Variants in COASY observed in about 807,000 individuals in gnomAD.
COASY encodes the protein Coenzyme A synthase, also known as bifunctional coenzyme A synthase.
A neutral mutation model predicts 49.4 loss-of-function variants in COASY; 31 were observed. The observed-to-expected ratio is 0.63, with a 90% confidence interval of 0.47 to 0.85. COASY has a LOEUF of 0.85. Ranked by LOEUF, COASY falls within the 40% of genes least tolerant of loss-of-function variation. The pLI is 0.00. For synonymous variants in COASY, 285 were observed against 310.9 expected, an observed-to-expected ratio of 0.92 and a Z score of 0.88; for missense variants, 730 against 734.1, an observed-to-expected ratio of 0.99 and a Z score of 0.06.
In COASY at chr17:42,566,018, G is replaced by T; in HGVS notation, c.*50G>T. 3.8e-6 allele frequency: 6 copies of T among 1,592,528 alleles called. No homozygotes were observed. Among genetic ancestry groups the T allele is most frequent in the Non-Finnish European group, 5.2e-6 (6 of 1,161,154 alleles). Reference sequence around the variant, plus strand: ...GCTCCTGGAGCTGACAAGCGACCCCGTGGTGAGGAGAAATGGGGGCCTTGA... The same window carrying T: ...GCTCCTGGAGCTGACAAGCGACCCCTTGGTGAGGAGAAATGGGGGCCTTGA... On this transcript the variant is annotated 3_prime_UTR_variant, in exon 9 of 9. Coordinates refer to ENST00000393818, the MANE Select transcript of COASY (RefSeq NM_025233.7).
At chr17:42,565,443 G>A in intron 6 of COASY, 28 bp from the exon 7 acceptor site, 1 of 1,613,530 alleles carries the variant, frequency 6.2e-7, no homozygotes, top group South Asian at 1.1e-5. Context: ...CGTCGGCACT[G>A]CTGGCGGTGA....
rs781310247 is a variant in COASY at position 42,563,948 on chromosome 17, G to A, written c.701-13G>A. ...TAAAAAGATCTCACTGTTCTTCTGGGCTCCTTCCCCAGGCAAGTTGCTCCC... is the reference window on the plus strand; with the variant it reads ...TAAAAAGATCTCACTGTTCTTCTGGACTCCTTCCCCAGGCAAGTTGCTCCC... On this transcript the variant is annotated splice_polypyrimidine_tract_variant and intron_variant, in intron 1 of 8. Coordinates refer to ENST00000393818, the MANE Select transcript of COASY (RefSeq NM_025233.7). 3 of 1,589,066 alleles carry A rather than the reference G, an allele frequency of 1.9e-6. No individual in the cohort carries two copies. The highest frequency in any genetic ancestry group is 2.6e-6 in the Non-Finnish European group (3 of 1,164,180).
In COASY at chr17:42,565,966, T is replaced by C. The variant is rs781511200; in HGVS notation, c.1693T>C (p.Ter565ArgextTer25). ...TCCCAAGACTCATCAGGCCCTCGACTGAAAAGTTCTCAGTGGGGCCAGACT... is the reference window on the plus strand; with the variant it reads ...TCCCAAGACTCATCAGGCCCTCGACCGAAAAGTTCTCAGTGGGGCCAGACT... ...RIPKTHQALD[*>R] Residue 565 changes from the stop codon to arginine, a stop_lost, in exon 9 of 9, where the codon TGA becomes CGA. Coordinates refer to ENST00000393818, the MANE Select transcript of COASY (RefSeq NM_025233.7). The C allele has an allele frequency of 1.9e-5, 30 of 1,613,648 alleles. No homozygotes were observed. The highest frequency in any genetic ancestry group is 2.5e-5 in the Non-Finnish European group (30 of 1,180,018).
In COASY at chr17:42,562,882, T is replaced by A. The variant is rs1215169597; in HGVS notation, c.260T>A (p.Leu87Gln). The A allele has an allele frequency of 1.9e-6, 3 of 1,612,608 alleles. No individual in the cohort carries two copies. The East Asian group carries it at 6.7e-5, about 36-fold the overall frequency. The change falls in exon 1 of 9, where the codon CTG becomes CAG. Residue 87 changes from leucine (L) to glutamine (Q), a missense_variant. Transcript: ENST00000393818. ...VHRHLDVRIL[L>Q]TNIRTKSTFL... Reference sequence around the variant, plus strand: ...AGGCACTTGGACGTCAGAATCCTACTGACCAATATCCGAACCAAGAGCACC... The same window carrying A: ...AGGCACTTGGACGTCAGAATCCTACAGACCAATATCCGAACCAAGAGCACC...
Position 42,563,066 on chromosome 17 carries a change from C to T in COASY, c.444C>T (p.Ala148=), listed in dbSNP as rs142297801. ...GTTACAGCTGTTGTCCGCGACTGGC[C>T]TCGGTGCTGCTATACTCCGATTATG... ...TSCYSCCPRL[A]SVLLYSDYGI... Residue 148 remains alanine, a synonymous_variant, in exon 1 of 9, where the codon GCC becomes GCT. Coordinates refer to ENST00000393818, the MANE Select transcript of COASY (RefSeq NM_025233.7). 1.2e-6 allele frequency: 2 copies of T among 1,614,042 alleles called. No individual in the cohort carries two copies. Among genetic ancestry groups the T allele is most frequent in the Admixed American group, 1.7e-5 (1 of 60,002 alleles).
intron 5 of COASY, 69 bp from the exon 6 acceptor site, chr17:42,565,158 A>C (rs1248507266): frequency 1.3e-6 from 2 of 1,595,542 alleles, no homozygotes; most frequent in African/African-American, 1.3e-5. Context: ...TCTGTTCCCA[A>C]CACCACCTTG....
chr17:42,563,906 C>T lies in COASY; in HGVS notation c.701-55C>T, dbSNP rs2092989298. 6 of 1,449,006 alleles carry T rather than the reference C, an allele frequency of 4.1e-6. No individual in the cohort carries two copies. The Admixed American group carries it at 5.7e-5, about 14-fold the overall frequency. 89.8% of individuals were successfully genotyped at this position (1,449,006 alleles called of 1,614,324 possible). A position where few individuals can be genotyped will look rare whatever the true frequency, so the allele number is the denominator to read the frequency against. On this transcript the variant is annotated intron_variant, in intron 1 of 8. Transcript: ENST00000393818. ...AGGGACACTTTTTCCCAAACTGGCC[C>T]ATACTCTCCTCCCCAATAAAAAGAT...
chr17:42,565,247 G>T lies in COASY; in HGVS notation c.1323G>T (p.Thr441=). The change falls in exon 6 of 9, where the codon ACG becomes ACT. Residue 441 remains threonine, a synonymous_variant. Transcript: ENST00000393818. ...FGNKKQLKIL[T]DIMWPIIAKL... is the part of the protein sequence containing the mutation. ...CCCAGAAGCAGCTGAAGATACTCAC[G>T]GACATTATGTGGCCAATTATCGCAA... is the stretch of plus-strand genomic sequence containing the variant. 1 of 1,614,116 alleles carries T rather than the reference G, an allele frequency of 6.2e-7. No individual in the cohort carries two copies. Among genetic ancestry groups the T allele is most frequent in the Non-Finnish European group, 8.5e-7 (1 of 1,180,022 alleles).
In COASY at chr17:42,565,281, C is replaced by G. The variant is rs200491699; in HGVS notation, c.1357C>G (p.Arg453Gly). Residue 453 changes from arginine (R) to glycine (G), a missense_variant, in exon 6 of 9, where the codon CGA (arginine) becomes GGA (glycine). Arg to Gly is a moderately radical substitution (Grantham distance 125). Coordinates refer to ENST00000393818, the MANE Select transcript of COASY (RefSeq NM_025233.7). ...IMWPIIAKLAREEMDRAVAEG... is the reference protein window; with the variant it reads ...IMWPIIAKLAGEEMDRAVAEG... Reference sequence around the variant, plus strand: ...GTGGCCAATTATCGCAAAGCTGGCCCGAGAGGAGATGGATCGGGCTGTGGC... The same window carrying G: ...GTGGCCAATTATCGCAAAGCTGGCCGGAGAGGAGATGGATCGGGCTGTGGC... 69 of 1,614,086 alleles carry G rather than the reference C, an allele frequency of 4.3e-5. No homozygotes were observed. The highest frequency in any genetic ancestry group is 5.5e-5 in the Non-Finnish European group (65 of 1,180,006).
In COASY at chr17:42,566,048, CA is replaced by C. The variant is rs2093003327; in HGVS notation, c.*81del. 1 of 1,461,910 alleles carries C rather than the reference CA, an allele frequency of 6.8e-7. No individual in the cohort carries two copies. Among genetic ancestry groups the C allele is most frequent in the Admixed American group, 1.7e-5 (1 of 59,572 alleles). 90.6% of individuals were successfully genotyped at this position (1,461,910 alleles called of 1,614,324 possible). Reference sequence around the variant, plus strand: ...GAGGAGAAATGGGGGCCTTGATGCTCACCCTGGTTCAGGCCCAGAGGTCCAA... The same window carrying C: ...GAGGAGAAATGGGGGCCTTGATGCTCCCCTGGTTCAGGCCCAGAGGTCCAA... On this transcript the variant is annotated 3_prime_UTR_variant, in exon 9 of 9. Transcript: ENST00000393818.
chr17:42,562,608 G>A lies in COASY; in HGVS notation c.-15G>A. On this transcript the variant is annotated 5_prime_UTR_variant, in exon 1 of 9. Coordinates refer to ENST00000393818, the MANE Select transcript of COASY (RefSeq NM_025233.7). ...CGTCGCCTCGTCTCCCTGACTGTCC[G>A]CAGGCCTGGGCAGCATGGCCGTATT... The A allele has an allele frequency of 6.5e-7, 1 of 1,530,748 alleles. No individual in the cohort carries two copies. Among genetic ancestry groups the A allele is most frequent in the South Asian group, 1.3e-5 (1 of 79,656 alleles). The allele number at this position is 1,530,748 out of a possible 1,614,324, so 94.8% of individuals were successfully genotyped here. A position where few individuals can be genotyped will look rare whatever the true frequency, so the allele number is the denominator to read the frequency against.
In COASY at chr17:42,562,349, T is replaced by G; in HGVS notation, c.-274T>G. 2.0e-6 allele frequency: 3 copies of G among 1,488,524 alleles called. No homozygotes were observed. Among genetic ancestry groups the G allele is most frequent in the Non-Finnish European group, 2.8e-6 (3 of 1,067,968 alleles). 92.2% of individuals were successfully genotyped at this position (1,488,524 alleles called of 1,614,324 possible). A position where few individuals can be genotyped will look rare whatever the true frequency, so the allele number is the denominator to read the frequency against. On this transcript the variant is annotated 5_prime_UTR_variant, in exon 1 of 9. Coordinates refer to ENST00000393818, the MANE Select transcript of COASY (RefSeq NM_025233.7). ...TCCCCAGCCCTGTGACAAGGGTTCC[T>G]GTCCAGTTTCCCCCTCCCAGGATTT...
In COASY at chr17:42,564,081, G is replaced by A. The variant is rs779390522; in HGVS notation, c.821G>A (p.Gly274Glu). Residue 274 changes from glycine to glutamate, a missense_variant, in exon 2 of 9, where the codon GGG becomes GAG. Coordinates refer to ENST00000393818, the MANE Select transcript of COASY (RefSeq NM_025233.7). ...FDVIPLLDPY[G>E]PAGSDPSLEF... ...GTCATCCCCCTGCTGGACCCCTATG[G>A]GCCCGCTGGCTCTGACCCCTCCCTG... is the stretch of plus-strand genomic sequence containing the variant. 1.2e-5 allele frequency: 19 copies of A among 1,613,922 alleles called. No homozygotes were observed. In the South Asian group the frequency reaches 2.1e-4, roughly 18 times the overall value.
chr17:42,562,872 A>T lies in COASY; in HGVS notation c.250A>T (p.Arg84Ter). ...GADVHRHLDV[R>*]ILLTNIRTKS... ...CGACGTCCACAGGCACTTGGACGTC[A>T]GAATCCTACTGACCAATATCCGAAC... is the stretch of plus-strand genomic sequence containing the variant. Residue 84 changes from arginine to a stop codon, truncating the protein, a stop_gained, in exon 1 of 9, where the codon AGA becomes TGA. Transcript: ENST00000393818. LOFTEE classifies it high-confidence loss of function. 6.2e-7 allele frequency: 1 copy of T among 1,613,226 alleles called. No homozygotes were observed. The highest frequency in any genetic ancestry group is 2.2e-5 in the East Asian group (1 of 44,830).
Position 42,564,512 on chromosome 17 carries a change from GA to G in COASY, c.983del (p.Glu328GlyfsTer33), listed in dbSNP as rs1440576085. On this transcript the variant is annotated frameshift_variant, in exon 3 of 9. Transcript: ENST00000393818. LOFTEE classifies it high-confidence loss of function. ...LKDLRHTENEEDKVSSSSFRQ... is the reference protein window; with the variant it reads ...LKDLRHTENEXDKVSSSSFRQ... ...GGACCTCAGACATACAGAGAATGAA[GA>G]GGACAAAGTCAGCTCCTCCAGCTTC... 5.0e-6 allele frequency: 8 copies of G among 1,613,376 alleles called. No individual in the cohort carries two copies. Among genetic ancestry groups the G allele is most frequent in the Non-Finnish European group, 6.8e-6 (8 of 1,179,696 alleles).
rs1210659397 is a variant in COASY, at chr17:42,563,112, G to A, written c.490G>A (p.Glu164Lys). ...TTATGGGATAGGAGAAGTGCCCGTG[G>A]AGCCCCTGGATGTCCCCTTACCCTC... ...SDYGIGEVPV[E>K]PLDVPLPSTI... is the part of the protein sequence containing the mutation. The change falls in exon 1 of 9, where the codon GAG becomes AAG. Residue 164 changes from glutamate (E) to lysine (K), a missense_variant. Coordinates refer to ENST00000393818, the MANE Select transcript of COASY (RefSeq NM_025233.7). The A allele has an allele frequency of 2.5e-6, 4 of 1,613,598 alleles. No individual in the cohort carries two copies. Among genetic ancestry groups the A allele is most frequent in the Non-Finnish European group, 3.4e-6 (4 of 1,179,608 alleles).
chr17:42,564,168 T>C lies in COASY; in HGVS notation c.908T>C (p.Leu303Pro), dbSNP rs749242869. 1 of 1,613,790 alleles carries C rather than the reference T, an allele frequency of 6.2e-7. No homozygotes were observed. The highest frequency in any genetic ancestry group is 8.5e-7 in the Non-Finnish European group (1 of 1,179,918). The change falls in exon 2 of 9, where the codon CTT becomes CCT. Residue 303 changes from leucine (L) to proline (P), a missense_variant. Transcript: ENST00000393818. The stretch of plus-strand genomic sequence containing the variant: ...GGGATGGCCATCAACCGCTTCCGCC[T>C]TGAGAATGTAACCCCTGAGGGAGAC... The part of the protein sequence containing the change: ...RGGMAINRFR[L>P]ENDLEELALY...
rs1353488368 is a variant in COASY at position 42,562,443 on chromosome 17, G to A, written c.-180G>A. The A allele has an allele frequency of 2.5e-6, 4 of 1,613,814 alleles. No individual in the cohort carries two copies. The highest frequency in any genetic ancestry group is 3.4e-6 in the Non-Finnish European group (4 of 1,179,870). ...ACACCAAGGCTTAGAGCACAGCCCC[G>A]AGGCGCCGTCTACCAGGCCCCGTCC... On this transcript the variant is annotated 5_prime_UTR_variant, in exon 1 of 9. Coordinates refer to ENST00000393818, the MANE Select transcript of COASY (RefSeq NM_025233.7).
At chr17:42,563,457 C>G in intron 1 of COASY, 135 bp downstream of exon 1, 1 of 852,284 alleles carries the variant, frequency 1.2e-6, no homozygotes, top group African/African-American at 1.7e-5. Flanking sequence ...GGTTGACACT[C>G]AATTGGTGCT....
Sources: allele counts gnomAD v4.1 joint callset, GRCh38; gene constraint gnomAD v4.1.1; transcripts MANE v1.5; gene names NCBI Gene and HGNC (gene_info 2026-07-23, HGNC 2026-07-21).